Variants in SHISA9 observed in about 807,000 individuals in gnomAD.
SHISA9 encodes shisa family member 9.
Under a neutral mutation model 38.0 loss-of-function variants are expected in SHISA9, and 13 were observed. That is an observed-to-expected ratio of 0.34 (90% CI 0.22 to 0.54). SHISA9 has a LOEUF of 0.54. Among genes scored for constraint, SHISA9 ranks in the 20% least tolerant of loss-of-function variants. The pLI, the probability that SHISA9 is intolerant of heterozygous loss-of-function variation, is 0.91. For synonymous variants in SHISA9, 275 were observed against 242.0 expected, an observed-to-expected ratio of 1.14 and a Z score of -1.27; for missense variants, 538 against 575.8, an observed-to-expected ratio of 0.93 and a Z score of 0.67.
At chr16:12,955,888 A>C (rs1052286857) in intron 2 of SHISA9, among the ~76,000 whole-genome samples, 1 of 152,220 alleles carries the variant, frequency 6.6e-6, no homozygotes, top group Non-Finnish European at 1.5e-5. Flanking sequence ...CAATGCAACA[A>C]AACAAAAAAT....
chr16:13,367,880 A>G, the SHISA9 span, among the ~76,000 whole-genome samples: 1 of 151,888 alleles, frequency 6.6e-6, no homozygotes. Flanking sequence ...GCAATCAGCT[A>G]TAATTCTTTT....
rs188647388 is a variant in SHISA9, at chr16:13,038,601, C to T, written c.691+121786C>T. ...CTCTGTAGTTGATCATCTCGCAGTT[C>T]ATTCTTATATAACCTCCAGATTTCA... On this transcript the variant is annotated intron_variant, in intron 2 of 4. Coordinates refer to ENST00000558583, the MANE Select transcript of SHISA9 (RefSeq NM_001145204.3). Among the ~76,000 whole-genome samples, 298 of 152,350 alleles carry T rather than the reference C, an allele frequency of 2.0e-3. 1 individual carries two copies. Among genetic ancestry groups the T allele is most frequent in the Middle Eastern group, 6.8e-3 (2 of 294 alleles).
chr16:13,146,105 C>T lies in SHISA9; in HGVS notation c.692-57289C>T, dbSNP rs184422178. ...TGGGAGGCTGAGGTGGGAGAATTTC[C>T]CTTGAACCCGGGAGGGGAAGGTTGC... On this transcript the variant is annotated intron_variant, in intron 2 of 4. Transcript: ENST00000558583. Among the ~76,000 whole-genome samples, 19 of 152,192 alleles carry T rather than the reference C, an allele frequency of 1.2e-4. No individual in the cohort carries two copies. The East Asian group carries it at 3.5e-3, about 28-fold the overall frequency.
intron 2 of SHISA9, among the ~76,000 whole-genome samples, chr16:13,037,375 G>T (rs749464620): frequency 6.6e-6 from 1 of 150,892 alleles, no homozygotes; most frequent in Non-Finnish European, 1.5e-5. Context: ...TCTCTCTCTC[G>T]GTTCTCATAC....
At chr16:13,512,618 G>T in the SHISA9 span, among the ~76,000 whole-genome samples, 1 of 152,084 alleles carries the variant, frequency 6.6e-6, no homozygotes, top group Non-Finnish European at 1.5e-5. Flanking sequence ...ATACTACAAG[G>T]CAACAGTAAC....
the SHISA9 span, among the ~76,000 whole-genome samples, chr16:13,476,425 C>T: frequency 1.3e-5 from 2 of 152,284 alleles, no homozygotes; most frequent in South Asian, 2.1e-4. Flanking sequence ...TTAAAGTCTT[C>T]TTCCTTAGCA....
chr16:13,492,975 A>G, the SHISA9 span, among the ~76,000 whole-genome samples: 1 of 152,114 alleles, frequency 6.6e-6, no homozygotes, highest in Non-Finnish European at 1.5e-5. Flanking sequence ...TGCAGAGATG[A>G]GATTGGAGAG....
At chr16:12,970,717 T>A (rs2072070162) in intron 2 of SHISA9, among the ~76,000 whole-genome samples, 1 of 150,002 alleles carries the variant, frequency 6.7e-6, no homozygotes, top group Non-Finnish European at 1.5e-5. Context: ...ACAGACGGGG[T>A]TTCACCGTGT....
At chr16:13,176,118 C>T (rs925868855) in intron 2 of SHISA9, among the ~76,000 whole-genome samples, 2 of 151,664 alleles carry the variant, frequency 1.3e-5, no homozygotes, top group East Asian at 3.9e-4. Context: ...TTAATAAAAA[C>T]CTGCCTAATG....
intron 2 of SHISA9, among the ~76,000 whole-genome samples, chr16:12,918,400 G>A (rs1596528679): frequency 1.3e-5 from 2 of 152,134 alleles, no homozygotes; most frequent in Non-Finnish European, 2.9e-5. Flanking sequence ...GGCTGTAAAA[G>A]GTGATTGCTA....
At chr16:13,310,098 G>C in the SHISA9 span, among the ~76,000 whole-genome samples, 1 of 152,144 alleles carries the variant, frequency 6.6e-6, no homozygotes, top group Non-Finnish European at 1.5e-5. Flanking sequence ...ATGTTGGCCA[G>C]GCTGGTCTTG....
At chr16:13,549,890 GTAA>G in the SHISA9 span, among the ~76,000 whole-genome samples, 1 of 152,020 alleles carries the variant, frequency 6.6e-6, no homozygotes, top group African/African-American at 2.4e-5. Flanking sequence ...GGGCATGGTC[GTAA>G]GCGCCTGTAA....
At chr16:13,216,047 C>T (rs892388264) in intron 4 of SHISA9, among the ~76,000 whole-genome samples, 8 of 151,936 alleles carry the variant, frequency 5.3e-5, no homozygotes, top group South Asian at 2.1e-4. Context: ...ATTAGCCAGG[C>T]GTGGTGGCAC....
the SHISA9 span, among the ~76,000 whole-genome samples, chr16:13,334,519 A>T: frequency 2.6e-5 from 4 of 152,194 alleles, no homozygotes; most frequent in Non-Finnish European, 4.4e-5. Flanking sequence ...TCATGCCCGT[A>T]GTCCCAACAC....
At chr16:12,988,650 G>A (rs1419166238) in intron 2 of SHISA9, among the ~76,000 whole-genome samples, 1 of 151,908 alleles carries the variant, frequency 6.6e-6, no homozygotes, top group African/African-American at 2.4e-5. Context: ...TCAGCCACCC[G>A]AGTAGCTGAG....
At chr16:13,137,486 T>C (rs1053614998) in intron 2 of SHISA9, among the ~76,000 whole-genome samples, 1 of 151,626 alleles carries the variant, frequency 6.6e-6, no homozygotes, top group Middle Eastern at 3.2e-3. Context: ...AGACAGAGTC[T>C]CAATCTGTTA....
chr16:13,465,506 G>C, the SHISA9 span, among the ~76,000 whole-genome samples: 1 of 152,172 alleles, frequency 6.6e-6, no homozygotes, highest in Non-Finnish European at 1.5e-5. Flanking sequence ...ATACCCATAA[G>C]GGCATGAGAA....
chr16:13,180,447 C>T (rs28558882), intron 2 of SHISA9, among the ~76,000 whole-genome samples: 1 of 152,194 alleles, frequency 6.6e-6, no homozygotes, highest in African/African-American at 2.4e-5. Context: ...ACCGCAATCC[C>T]AGCACTTTGG....
chr16:13,401,375 C>T, the SHISA9 span, among the ~76,000 whole-genome samples: 1 of 152,202 alleles, frequency 6.6e-6, no homozygotes, highest in Admixed American at 6.5e-5. Context: ...GCCCTTCCCA[C>T]TATGATAGAA....
Sources: allele counts gnomAD v4.1 joint callset (sites outside exome capture counted in the v4.1 genomes callset), GRCh38; gene constraint gnomAD v4.1.1; transcripts MANE v1.5; gene names NCBI Gene and HGNC (gene_info 2026-07-23, HGNC 2026-07-21).